RIN2: variants seen among roughly 807,000 people sequenced by gnomAD.
RIN2 encodes the protein Ras and Rab interactor 2, also known as RAB5 interacting protein 2.
RIN2 carries 36 observed loss-of-function variants against 78.0 expected under a neutral mutation model. The ratio of observed to expected loss-of-function variants is 0.46; its 90% CI spans 0.35 to 0.61. The LOEUF is 0.61. Ranked by LOEUF, RIN2 falls within the 20% of genes least tolerant of loss-of-function variation. The probability of loss-of-function intolerance (pLI) is 0.00; values close to 1 mark genes in which losing one functional copy is unlikely to be tolerated. For missense variants in RIN2, 1,087 were observed against 1,159.7 expected (o/e 0.94, Z 0.91); for synonymous variants, 466 against 466.8 (o/e 1.00, Z 0.02).
Position 19,974,713 on chromosome 20 carries a change from CTT to C in RIN2, c.690_691del (p.Ser231LeufsTer42). ...GAACCTTCCACCTCCCCATAGGCCT[CTT>C]TCCTCCGACGGTGTCTGTCCTGCCT... ...PPNLPPPHRP[L>X]SSDGVCPASL... On this transcript the variant is annotated frameshift_variant, in exon 9 of 13. Coordinates refer to ENST00000255006, the MANE Select transcript of RIN2 (RefSeq NM_018993.4). LOFTEE classifies it high-confidence loss of function. 1.2e-6 allele frequency: 2 copies of C among 1,614,048 alleles called. No homozygotes were observed.
Position 19,974,990 on chromosome 20 carries a change from G to A in RIN2, c.965G>A (p.Ser322Asn), listed in dbSNP as rs199693970. The part of the protein sequence containing the change: ...PPPAINSLHT[S>N]PRLARTETQT... ...CCCGCTATTAATAGTCTCCACACAA[G>A]CCCTCGGCTGGCCAGGACTGAAACC... Residue 322 changes from serine (S) to asparagine (N), a missense_variant, in exon 9 of 13, where the codon AGC becomes AAC. By Grantham distance (46) the Ser-to-Asn change is conservative (BLOSUM62 1). Around this residue, in one of 8 missense-constraint regions of RIN2, gnomAD observed 706 missense variants for 667.5 expected, o/e 1.06. Transcript: ENST00000255006. 9.5e-4 allele frequency: 1,271 copies of A among 1,336,970 alleles called. 11 individuals are homozygous for A. In the African/African-American group the frequency reaches 0.018, roughly 19 times the overall value. The allele number at this position is 1,336,970 out of a possible 1,614,324, so 82.8% of individuals were successfully genotyped here.
Position 19,775,899 on chromosome 20 carries a change from G to A in RIN2, c.-163+17572G>A, listed in dbSNP as rs150751348. On this transcript the variant is annotated intron_variant, in intron 1 of 12. Coordinates refer to ENST00000255006, the MANE Select transcript of RIN2 (RefSeq NM_018993.4). ...ACAGGCTGTCAGAGCCTCCGGCTTC[G>A]CTCCACCCAGGCAATCTGGTTTTAC... Among the ~76,000 whole-genome samples, 950 of 152,332 alleles carry A rather than the reference G, an allele frequency of 6.2e-3. 16 individuals carry two copies. The highest frequency in any genetic ancestry group is 0.021 in the African/African-American group (862 of 41,572).
At chr20:19,893,673 C>T (rs73901323) in intron 3 of RIN2, among the ~76,000 whole-genome samples, 3,983 of 152,256 alleles carry the variant, frequency 0.026, 104 homozygotes, top group African/African-American at 0.061. Context: ...CCAGAAGCTC[C>T]GACCACATCC....
intron 6 of RIN2, among the ~76,000 whole-genome samples, chr20:19,962,321 A>T (rs1344599823): frequency 6.6e-6 from 1 of 151,942 alleles, no homozygotes; most frequent in Non-Finnish European, 1.5e-5. Context: ...ATTAAAAAAA[A>T]AAAAAGTCCA....
At position 19,814,800 on chromosome 20, in the gene RIN2, A is replaced by T. The variant is rs183967578; in HGVS notation, c.-37+15053A>T. Among the ~76,000 whole-genome samples the T allele has an allele frequency of 6.2e-4, 94 of 151,586 alleles. 1 individual carries two copies. Among genetic ancestry groups the T allele is most frequent in the Non-Finnish European group, 7.4e-5 (5 of 67,910 alleles). On this transcript the variant is annotated intron_variant, in intron 2 of 12. Transcript: ENST00000255006. ...GAGACATGGTCTTCATATGTTGCCC[A>T]GTCTGGCTTTGAACTCCTGGCCTCA...
At chr20:19,905,241 G>C (rs1290358698) in intron 3 of RIN2, among the ~76,000 whole-genome samples, 1 of 152,238 alleles carries the variant, frequency 6.6e-6, no homozygotes, top group Non-Finnish European at 1.5e-5. Flanking sequence ...TGGAAGGTAA[G>C]ACAGGGAGGA....
chr20:19,982,898 C>T (rs572543805), intron 9 of RIN2, among the ~76,000 whole-genome samples: 63 of 152,308 alleles, frequency 4.1e-4, no homozygotes, highest in African/African-American at 1.4e-3. Context: ...GCATGTTCAA[C>T]GCCACCTCTT....
chr20:19,951,095 T>C (rs1050654673), intron 4 of RIN2, among the ~76,000 whole-genome samples: 2 of 152,052 alleles, frequency 1.3e-5, no homozygotes, highest in East Asian at 3.9e-4. Context: ...GGTTTTGCCA[T>C]GTTGCCCGGG....
At chr20:19,784,520 G>A (rs2034611047) in intron 1 of RIN2, among the ~76,000 whole-genome samples, 2 of 152,070 alleles carry the variant, frequency 1.3e-5, no homozygotes, top group Admixed American at 1.3e-4. Flanking sequence ...TAGAATAATG[G>A]TGGTTGCCTG....
At chr20:19,858,112 G>T (rs1231393179) in intron 2 of RIN2, among the ~76,000 whole-genome samples, 1 of 142,914 alleles carries the variant, frequency 7.0e-6, no homozygotes, top group Non-Finnish European at 1.5e-5. Flanking sequence ...CCTTTTTATG[G>T]TCTGTCTTTT....
chr20:19,946,481 G>T (rs970166194), intron 4 of RIN2, among the ~76,000 whole-genome samples: 1 of 152,094 alleles, frequency 6.6e-6, no homozygotes, highest in Non-Finnish European at 1.5e-5. Flanking sequence ...ACTTTGAGAG[G>T]CCAAGGTGGG....
At chr20:19,858,612 C>T (rs1486891936) in intron 2 of RIN2, among the ~76,000 whole-genome samples, 1 of 152,214 alleles carries the variant, frequency 6.6e-6, no homozygotes, top group Non-Finnish European at 1.5e-5. Flanking sequence ...TAGAGACCAT[C>T]ATTTTCCTTC....
intron 4 of RIN2, among the ~76,000 whole-genome samples, chr20:19,938,131 T>G: frequency 6.6e-6 from 1 of 152,214 alleles, no homozygotes; most frequent in East Asian, 1.9e-4. Context: ...GTGCCCTGGC[T>G]GGTTCTTCTT....
rs1302457431 is a variant in RIN2 at position 19,956,676 on chromosome 20, G to A, written c.220G>A (p.Asp74Asn). Residue 74 changes from aspartate to asparagine, a missense_variant, in exon 5 of 13, where the codon GAC becomes AAC. Physicochemically the swap from Asp to Asn is conservative, Grantham distance 23. Around this residue, in one of 8 missense-constraint regions of RIN2, gnomAD observed 706 missense variants for 667.5 expected, o/e 1.06. Transcript: ENST00000255006. ...AGAGGACGTGAAGACCTGTGCCCGG[G>A]ACTCAGGCTATGACAGCCTCTCCAA... ...EEEDVKTCAR[D>N]SGYDSLSNRL... 12 of 1,613,192 alleles carry A rather than the reference G, an allele frequency of 7.4e-6. No individual in the cohort carries two copies. The highest frequency in any genetic ancestry group is 1.0e-5 in the Non-Finnish European group (12 of 1,179,640).
chr20:19,948,820 T>C (rs146429217), intron 4 of RIN2, among the ~76,000 whole-genome samples: 1 of 152,136 alleles, frequency 6.6e-6, no homozygotes, highest in Admixed American at 6.6e-5. Flanking sequence ...ATTTATTTAT[T>C]GAGACAAGGT....
intron 9 of RIN2, among the ~76,000 whole-genome samples, chr20:19,988,539 A>G (rs993155006): frequency 2.0e-5 from 3 of 152,214 alleles, no homozygotes; most frequent in African/African-American, 7.2e-5. Flanking sequence ...GGCTCAGATG[A>G]GAATGTGCAA....
At chr20:19,924,462 T>TCACCTCCATACCCTCACCTCCATACCC (rs1568615987) in intron 3 of RIN2, among the ~76,000 whole-genome samples, 2 of 3,202 alleles carry the variant, frequency 6.2e-4, no homozygotes, top group Non-Finnish European at 1.2e-3. Flanking sequence ...CTTCATACCC[T>TCACCTCCATACCCTCACCTCCATACCC]CACCTTCATA....
chr20:19,800,330 T>C (rs6112580), intron 2 of RIN2, among the ~76,000 whole-genome samples: 8,305 of 152,250 alleles, frequency 0.055, 308 homozygotes, highest in Middle Eastern at 0.13. Context: ...ATCATATTTT[T>C]CAACATGGGT....
chr20:19,888,064 A>G (rs1049117516), intron 2 of RIN2, among the ~76,000 whole-genome samples: 2 of 152,166 alleles, frequency 1.3e-5, no homozygotes, highest in Non-Finnish European at 2.9e-5. Context: ...AGAGTCAGCA[A>G]AATTGCACAC....
Sources: allele counts gnomAD v4.1 joint callset (sites outside exome capture counted in the v4.1 genomes callset), GRCh38; gene constraint gnomAD v4.1.1; regional missense constraint gnomAD v4.1.1; transcripts MANE v1.5; gene names NCBI Gene and HGNC (gene_info 2026-07-23, HGNC 2026-07-21).